Variants in PRKN observed in about 807,000 individuals in gnomAD.
PRKN encodes the protein E3 ubiquitin-protein ligase parkin.
In PRKN, 56 loss-of-function variants were observed where a neutral mutation model predicts 59.5. The observed-to-expected ratio is 0.94, with a 90% CI of 0.76 to 1.18. The LOEUF (loss-of-function observed/expected upper bound fraction) is 1.18. Ranked by LOEUF, PRKN falls within the 50% of genes most tolerant of loss-of-function variation. PRKN has a pLI of 0.00. For synonymous variants in PRKN, 250 were observed against 222.1 expected, an observed-to-expected ratio of 1.13 and a Z score of -1.12; for missense variants, 657 against 596.4, an observed-to-expected ratio of 1.10 and a Z score of -1.06.
intron 6 of PRKN, among the ~76,000 whole-genome samples, chr6:161,801,763 G>T (rs1181476212): frequency 6.6e-6 from 1 of 152,174 alleles, no homozygotes; most frequent in East Asian, 1.9e-4. Flanking sequence ...CTTCAGATGT[G>T]AGGCGCAGGG....
intron 4 of PRKN, among the ~76,000 whole-genome samples, chr6:162,179,450 G>C (rs958099898): frequency 6.6e-6 from 1 of 152,086 alleles, no homozygotes; most frequent in Non-Finnish European, 1.5e-5. Flanking sequence ...CAGAGCCACC[G>C]GCAGCTGCTG....
At chr6:162,236,524 C>T (rs539551884) in intron 3 of PRKN, among the ~76,000 whole-genome samples, 10 of 152,006 alleles carry the variant, frequency 6.6e-5, no homozygotes, top group Non-Finnish European at 1.2e-4. Context: ...TGGTGGCTCA[C>T]GCCTGTATCC....
intron 2 of PRKN, among the ~76,000 whole-genome samples, chr6:162,314,879 G>A (rs1782679173): frequency 6.6e-6 from 1 of 152,044 alleles, no homozygotes. Flanking sequence ...AGTAAAATCT[G>A]TATGCGTTTC....
At chr6:162,204,663 C>T (rs1784858539) in intron 3 of PRKN, among the ~76,000 whole-genome samples, 1 of 151,410 alleles carries the variant, frequency 6.6e-6, no homozygotes, top group South Asian at 2.1e-4. Context: ...GTTAAGTCTA[C>T]TTATGTAATG....
intron 9 of PRKN, among the ~76,000 whole-genome samples, chr6:161,517,646 A>C (rs956493940): frequency 2.0e-5 from 3 of 148,198 alleles, no homozygotes; most frequent in African/African-American, 7.4e-5. Flanking sequence ...AGGCTGAGGC[A>C]GGAGAATGGT....
intron 1 of PRKN, among the ~76,000 whole-genome samples, chr6:162,572,167 G>C (rs1000609413): frequency 6.6e-6 from 1 of 152,064 alleles, no homozygotes; most frequent in Non-Finnish European, 1.5e-5. Context: ...GAATGTCCAC[G>C]TAGGTTCTGA....
At chr6:161,953,875 T>C (rs1037567414) in intron 6 of PRKN, among the ~76,000 whole-genome samples, 7 of 152,146 alleles carry the variant, frequency 4.6e-5, no homozygotes, top group African/African-American at 1.4e-4. Flanking sequence ...TGAGGCAGAA[T>C]GGGGCGCACC....
chr6:162,387,947 G>A (rs1786940262), intron 2 of PRKN, among the ~76,000 whole-genome samples: 1 of 152,130 alleles, frequency 6.6e-6, no homozygotes, highest in Non-Finnish European at 1.5e-5. Flanking sequence ...GAGTGCTGGG[G>A]AACACAACAG....
At chr6:162,282,190 G>T (rs116479878) in intron 2 of PRKN, among the ~76,000 whole-genome samples, 1 of 152,234 alleles carries the variant, frequency 6.6e-6, no homozygotes, top group African/African-American at 2.4e-5. Flanking sequence ...GAGTAATCAA[G>T]GTCAAAGGCA....
At chr6:162,514,078 TA>T (rs1777743270) in intron 1 of PRKN, among the ~76,000 whole-genome samples, 1 of 151,878 alleles carries the variant, frequency 6.6e-6, no homozygotes, top group Admixed American at 6.6e-5. Flanking sequence ...AAAATTAACC[TA>T]AAAACTAAAA....
chr6:162,331,081 C>G (rs888711082), intron 2 of PRKN, among the ~76,000 whole-genome samples: 1 of 151,944 alleles, frequency 6.6e-6, no homozygotes, highest in African/African-American at 2.4e-5. Context: ...GTAATCCCAG[C>G]ACTTTGGGAG....
chr6:162,490,135 A>G (rs1478640227), intron 1 of PRKN, among the ~76,000 whole-genome samples: 1 of 152,154 alleles, frequency 6.6e-6, no homozygotes, highest in Non-Finnish European at 1.5e-5. Flanking sequence ...TAAAGAGGGA[A>G]GAGAAAAGGA....
chr6:162,123,342 A>T (rs1258006010), intron 4 of PRKN, among the ~76,000 whole-genome samples: 1 of 152,218 alleles, frequency 6.6e-6, no homozygotes, highest in Non-Finnish European at 1.5e-5. Flanking sequence ...ACCTCCAAAC[A>T]GATTATGGCT....
chr6:162,050,227 C>T (rs200856033), intron 5 of PRKN, among the ~76,000 whole-genome samples: 1 of 152,234 alleles, frequency 6.6e-6, no homozygotes, highest in Non-Finnish European at 1.5e-5. Context: ...TGAGTTAATA[C>T]TTGCCTGGAT....
intron 7 of PRKN, among the ~76,000 whole-genome samples, chr6:161,570,860 G>A (rs751275770): frequency 1.3e-5 from 2 of 152,172 alleles, no homozygotes; most frequent in Non-Finnish European, 2.9e-5. Context: ...ATTTAGGCCA[G>A]TATATGCTTA....
intron 6 of PRKN, among the ~76,000 whole-genome samples, chr6:161,874,754 T>TATATAAAATGTACA (rs1288949314): frequency 9.7e-5 from 8 of 82,786 alleles, no homozygotes; most frequent in African/African-American, 4.5e-4. Flanking sequence ...AAATATATAA[T>TATATAAAATGTACA]ATATATAAAA....
chr6:161,443,209 C>T (rs969257013), intron 9 of PRKN, among the ~76,000 whole-genome samples: 1 of 151,432 alleles, frequency 6.6e-6, no homozygotes, highest in African/African-American at 2.4e-5. Flanking sequence ...ACTTGGGAGG[C>T]TGAGGCAGGA....
intron 1 of PRKN, among the ~76,000 whole-genome samples, chr6:162,526,127 G>C (rs756589849): frequency 1.3e-5 from 2 of 152,106 alleles, no homozygotes; most frequent in Non-Finnish European, 2.9e-5. Context: ...ACAGGCATGA[G>C]CCACTGCACC....
At chr6:161,944,838 G>A (rs558945739) in intron 6 of PRKN, among the ~76,000 whole-genome samples, 112 of 152,290 alleles carry the variant, frequency 7.4e-4, no homozygotes, top group African/African-American at 2.5e-3. Context: ...AGACTTTGAA[G>A]AGTTAACTTT....
Sources: gnomAD v4.1 joint callset for allele counts (sites outside exome capture counted in the v4.1 genomes callset) on GRCh38, gnomAD v4.1.1 for gene constraint, MANE v1.5 for transcripts, NCBI Gene and HGNC (gene_info 2026-07-23, HGNC 2026-07-21) for gene names.